TNFRSF13B: variants seen among roughly 807,000 people sequenced by gnomAD.
TNFRSF13B encodes the protein TNF receptor superfamily member 13B, also known as tumor necrosis factor receptor superfamily member 13B.
A neutral mutation model predicts 24.0 loss-of-function variants in TNFRSF13B; 34 were observed. That is an observed-to-expected ratio of 1.41 (90% CI 1.08 to 1.88). The LOEUF is 1.88. Ranked by LOEUF, TNFRSF13B falls within the 40% of genes most tolerant of loss-of-function variation. The pLI is 0.00. For missense variants in TNFRSF13B, 415 were observed against 380.8 expected (o/e 1.09, Z -0.75); for synonymous variants, 173 against 150.3 (o/e 1.15, Z -1.10).
chr17:16,949,018 C>CA, intron 2 of TNFRSF13B, 35 bp from the exon 3 acceptor site: 2 of 1,613,314 alleles, frequency 1.2e-6, no homozygotes, highest in Non-Finnish European at 1.7e-6. Flanking sequence ...TGCTGGGTGA[C>CA]ACAGACTAGC....
rs374322117 is a variant in TNFRSF13B at position 16,948,826 on chromosome 17, C to T, written c.357G>A (p.Arg119=). The change falls in exon 3 of 5, where the codon AGG becomes AGA. Residue 119 remains arginine (R), a synonymous_variant. Coordinates refer to ENST00000261652, the MANE Select transcript of TNFRSF13B (RefSeq NM_012452.3). The stretch of plus-strand genomic sequence containing the variant: ...TTTCAACTTCTCCACTCCGCTGTCT[C>T]CTGAGCTCTGGTGGAAGGTTCACTG... ...RSPVNLPPEL[R]RQRSGEVENN... is the part of the protein sequence containing the mutation. 1 of 1,614,226 alleles carries T rather than the reference C, an allele frequency of 6.2e-7. No homozygotes were observed. The highest frequency in any genetic ancestry group is 8.5e-7 in the Non-Finnish European group (1 of 1,180,046).
intron 4 of TNFRSF13B, 102 bp from the exon 5 acceptor site, chr17:16,939,899 G>C: frequency 7.0e-7 from 1 of 1,423,298 alleles, no homozygotes; most frequent in Non-Finnish European, 9.2e-7. Context: ...AGGAGCTAAG[G>C]GCAATCACCA....
At position 16,952,523 on chromosome 17, in the gene TNFRSF13B, T is replaced by C. The variant is rs763197017; in HGVS notation, c.122A>G (p.Asp41Gly). Residue 41 changes from aspartate (D) to glycine (G), a missense_variant, in exon 2 of 5, where the codon GAT (aspartate) becomes GGT (glycine). Transcript: ENST00000261652. ...MRSCPEEQYW[D>G]PLLGTCMSCK... is the part of the protein sequence containing the mutation. Reference sequence around the variant, plus strand: ...GGACATGCAGGTACCCAGCAGAGGATCCCAGTACTGCTCTTCGGGGCAGGA... The same window carrying C: ...GGACATGCAGGTACCCAGCAGAGGACCCCAGTACTGCTCTTCGGGGCAGGA... 4.3e-5 allele frequency: 70 copies of C among 1,614,068 alleles called. No individual in the cohort carries two copies. Among genetic ancestry groups the C allele is most frequent in the Admixed American group, 3.0e-4 (18 of 60,008 alleles).
chr17:16,955,203 TGGCC>T (rs2087616298), intron 1 of TNFRSF13B, among the ~76,000 whole-genome samples: 1 of 152,140 alleles, frequency 6.6e-6, no homozygotes, highest in African/African-American at 2.4e-5. Flanking sequence ...TGTGAACCAA[TGGCC>T]AAGGGTCACC....
intron 3 of TNFRSF13B, among the ~76,000 whole-genome samples, chr17:16,947,874 T>C (rs917888468): frequency 2.0e-5 from 3 of 152,188 alleles, no homozygotes; most frequent in South Asian, 4.1e-4. Flanking sequence ...AATAAACCGT[T>C]CTACCAAAAA....
chr17:16,948,917 C>G lies in TNFRSF13B; in HGVS notation c.266G>C (p.Cys89Ser). 6.8e-6 allele frequency: 11 copies of G among 1,614,222 alleles called. No homozygotes were observed. The highest frequency in any genetic ancestry group is 9.3e-6 in the Non-Finnish European group (11 of 1,180,042). Residue 89 changes from cysteine to serine, a missense_variant, in exon 3 of 5, where the codon TGT (cysteine) becomes TCT (serine). Physicochemically the swap from Cys to Ser is moderately radical, Grantham distance 112 (BLOSUM62 -1). Transcript: ENST00000261652. ...AGGGTGCTGTCCACAGATGGAGGCACAGCTGATGCAGTCCCTCAGGAGATG... is the reference window on the plus strand; with the variant it reads ...AGGGTGCTGTCCACAGATGGAGGCAGAGCTGATGCAGTCCCTCAGGAGATG... ...YDHLLRDCIS[C>S]ASICGQHPKQ...
At chr17:16,970,892 A>C (rs1277153033) in intron 1 of TNFRSF13B, among the ~76,000 whole-genome samples, 1 of 152,168 alleles carries the variant, frequency 6.6e-6, no homozygotes, top group Non-Finnish European at 1.5e-5. Flanking sequence ...GGACACAAAA[A>C]AGGACTGAAG....
chr17:16,951,812 C>T (rs1199265703), intron 2 of TNFRSF13B, among the ~76,000 whole-genome samples: 4 of 152,092 alleles, frequency 2.6e-5, no homozygotes, highest in East Asian at 1.9e-4. Context: ...CACTTGAACC[C>T]GGGCGGTGGA....
intron 3 of TNFRSF13B, 119 bp downstream of exon 3, chr17:16,948,619 C>T (rs1353201159): frequency 1.4e-6 from 2 of 1,413,124 alleles, no homozygotes; most frequent in East Asian, 2.3e-5. Flanking sequence ...GGCTTCTGGC[C>T]ATTTGCTTGG....
intron 3 of TNFRSF13B, among the ~76,000 whole-genome samples, chr17:16,946,144 A>G (rs1295865746): frequency 6.6e-6 from 1 of 152,242 alleles, no homozygotes; most frequent in Non-Finnish European, 1.5e-5. Flanking sequence ...ACAGGAGAGC[A>G]GGAGATGCCA....
At chr17:16,940,949 G>C in intron 3 of TNFRSF13B, 1 of 1,073,292 alleles carries the variant, frequency 9.3e-7, no homozygotes, top group Middle Eastern at 4.4e-4. Flanking sequence ...CTGGTTCCAG[G>C]ATCCCCTACA....
At chr17:16,963,091 G>T (rs996864676) in intron 1 of TNFRSF13B, among the ~76,000 whole-genome samples, 4 of 152,194 alleles carry the variant, frequency 2.6e-5, no homozygotes, top group African/African-American at 9.7e-5. Flanking sequence ...GTGACCTTGG[G>T]CACGACTTCT....
chr17:16,948,385 G>A (rs2087563723), intron 3 of TNFRSF13B, among the ~76,000 whole-genome samples: 1 of 152,162 alleles, frequency 6.6e-6, no homozygotes. Flanking sequence ...AATAAATGGA[G>A]TCTGCAGCAC....
At chr17:16,967,806 T>G (rs1303630383) in intron 1 of TNFRSF13B, among the ~76,000 whole-genome samples, 1 of 128,222 alleles carries the variant, frequency 7.8e-6, no homozygotes, top group Non-Finnish European at 1.7e-5. Context: ...CCAAACACAC[T>G]ATTTTAAGGA....
chr17:16,943,282 C>T (rs887840012), intron 3 of TNFRSF13B, among the ~76,000 whole-genome samples: 6 of 152,170 alleles, frequency 3.9e-5, no homozygotes, highest in African/African-American at 1.2e-4. Flanking sequence ...GACACAGGCA[C>T]GAGAGAGAAG....
intron 3 of TNFRSF13B, 49 bp from the exon 4 acceptor site, chr17:16,940,560 G>A (rs56223325): frequency 0.012 from 19,706 of 1,589,856 alleles, 861 homozygotes; most frequent in Admixed American, 0.11. Context: ...TTCTCTTCCC[G>A]TCATTAGGCT....
At position 16,940,484 on chromosome 17, in the gene TNFRSF13B, T is replaced by C. The variant is rs1482518851; in HGVS notation, c.473A>G (p.Asp158Gly). 5.0e-6 allele frequency: 8 copies of C among 1,613,764 alleles called. No individual in the cohort carries two copies. The highest frequency in any genetic ancestry group is 4.2e-6 in the Non-Finnish European group (5 of 1,180,012). The change falls in exon 4 of 5, where the codon GAT becomes GGT. Residue 158 changes from aspartate to glycine, a missense_variant. Asp to Gly is a moderately conservative substitution (Grantham distance 94). Coordinates refer to ENST00000261652, the MANE Select transcript of TNFRSF13B (RefSeq NM_012452.3). Reference protein sequence around the residue: ...PALPGLKLSADQVALVYSTLG... With the variant: ...PALPGLKLSAGQVALVYSTLG... Reference sequence around the variant, plus strand: ...CGTGCTGTAGACCAGGGCCACCTGATCTGCACTCAGCTTCAGCCCCGGGAG... The same window carrying C: ...CGTGCTGTAGACCAGGGCCACCTGACCTGCACTCAGCTTCAGCCCCGGGAG...
At position 16,948,926 on chromosome 17, in the gene TNFRSF13B, CA is replaced by C; in HGVS notation, c.256del (p.Cys86AlafsTer27). ...TCCACAGATGGAGGCACAGCTGATG[CA>C]GTCCCTCAGGAGATGGTCATAGAAC... is the stretch of plus-strand genomic sequence containing the variant. ...GKFYDHLLRDCISCASICGQH... is the reference protein window; with the variant it reads ...GKFYDHLLRDXISCASICGQH... On this transcript the variant is annotated frameshift_variant, in exon 3 of 5. Transcript: ENST00000261652. LOFTEE classifies it high-confidence loss of function. The C allele has an allele frequency of 6.2e-7, 1 of 1,614,228 alleles. No homozygotes were observed. Among genetic ancestry groups the C allele is most frequent in the South Asian group, 1.1e-5 (1 of 91,086 alleles).
intron 1 of TNFRSF13B, among the ~76,000 whole-genome samples, chr17:16,959,085 A>G (rs2087644241): frequency 6.6e-6 from 1 of 152,060 alleles, no homozygotes. Flanking sequence ...GCTAAACTTT[A>G]AAATTTTTTA....
Sources: gnomAD v4.1 joint callset for allele counts (sites outside exome capture counted in the v4.1 genomes callset) on GRCh38, gnomAD v4.1.1 for gene constraint, MANE v1.5 for transcripts, NCBI Gene and HGNC (gene_info 2026-07-23, HGNC 2026-07-21) for gene names.